Variants in CNTNAP2 observed in about 807,000 individuals in gnomAD.
The protein encoded by CNTNAP2 is contactin associated protein 2.
A neutral mutation model predicts 155.2 loss-of-function variants in CNTNAP2; 98 were observed. That is an observed-to-expected ratio of 0.63 (90% confidence interval 0.54 to 0.75). CNTNAP2 has a LOEUF of 0.75. Ranked by LOEUF, CNTNAP2 falls within the 30% of genes least tolerant of loss-of-function variation. The pLI, the probability that CNTNAP2 is intolerant of heterozygous loss-of-function variation, is 0.00. For synonymous variants in CNTNAP2, 651 were observed against 631.2 expected, an observed-to-expected ratio of 1.03 and a Z score of -0.47; for missense variants, 1,727 against 1,688.1, an observed-to-expected ratio of 1.02 and a Z score of -0.40.
chr7:148,178,819 G>A (rs1006493873), intron 18 of CNTNAP2, among the ~76,000 whole-genome samples: 13 of 152,180 alleles, frequency 8.5e-5, no homozygotes, highest in African/African-American at 3.1e-4. Flanking sequence ...ATTCTTAGCA[G>A]CTCTTTGCTT....
intron 16 of CNTNAP2, among the ~76,000 whole-genome samples, chr7:148,120,025 T>C (rs1804566642): frequency 6.6e-6 from 1 of 151,916 alleles, no homozygotes; most frequent in Non-Finnish European, 1.5e-5. Flanking sequence ...AACTATTTTC[T>C]GACTTCTACA....
chr7:146,908,183 C>A (rs1282875577), intron 3 of CNTNAP2, among the ~76,000 whole-genome samples: 1 of 152,128 alleles, frequency 6.6e-6, no homozygotes, highest in African/African-American at 2.4e-5. Flanking sequence ...GAGACTTAGA[C>A]TCCCAAACAT....
At chr7:147,697,117 T>C (rs893001268) in intron 13 of CNTNAP2, among the ~76,000 whole-genome samples, 3 of 152,212 alleles carry the variant, frequency 2.0e-5, no homozygotes, top group African/African-American at 7.2e-5. Context: ...GTCCTCACAC[T>C]CAGAGATTCT....
intron 11 of CNTNAP2, among the ~76,000 whole-genome samples, chr7:147,505,438 T>G (rs1323898304): frequency 1.3e-5 from 2 of 152,044 alleles, no homozygotes; most frequent in African/African-American, 2.4e-5. Context: ...TGCAAAAATC[T>G]CTTTTATTAT....
chr7:147,871,565 A>G (rs909955712), intron 13 of CNTNAP2, among the ~76,000 whole-genome samples: 2 of 151,864 alleles, frequency 1.3e-5, no homozygotes, highest in Non-Finnish European at 2.9e-5. Flanking sequence ...AGCCCCCACT[A>G]CAGCCATTAC....
intron 1 of CNTNAP2, among the ~76,000 whole-genome samples, chr7:146,187,001 C>A (rs940643192): frequency 1.3e-5 from 2 of 152,166 alleles, no homozygotes; most frequent in African/African-American, 4.8e-5. Flanking sequence ...ACTCCACTAG[C>A]CCTGCATCTT....
At chr7:147,668,924 G>A (rs976950663) in intron 13 of CNTNAP2, among the ~76,000 whole-genome samples, 2 of 151,912 alleles carry the variant, frequency 1.3e-5, no homozygotes, top group African/African-American at 4.8e-5. Context: ...AGTCCTGCAA[G>A]CTCCATTTTT....
At chr7:146,390,337 G>A (rs1164744377) in intron 1 of CNTNAP2, among the ~76,000 whole-genome samples, 1 of 151,842 alleles carries the variant, frequency 6.6e-6, no homozygotes, top group African/African-American at 2.4e-5. Flanking sequence ...CATTAACTGG[G>A]TGATCAAACT....
chr7:146,334,653 C>G (rs1801245083), intron 1 of CNTNAP2, among the ~76,000 whole-genome samples: 1 of 152,042 alleles, frequency 6.6e-6, no homozygotes. Context: ...CTGTAGATAT[C>G]CATTTCTCCT....
rs188334731 is a variant in CNTNAP2 at position 146,581,341 on chromosome 7, T to A, written c.98-192930T>A. 2.7e-3 allele frequency among the ~76,000 whole-genome samples: 417 copies of A among 152,218 alleles called. 3 individuals are homozygous for A. The highest frequency in any genetic ancestry group is 9.4e-3 in the African/African-American group (391 of 41,564). On this transcript the variant is annotated intron_variant, in intron 1 of 23. Coordinates refer to ENST00000361727, the MANE Select transcript of CNTNAP2 (RefSeq NM_014141.6). ...GAATCAGCCATCTCCTAAGATACTTTATTTTATTTTGTTATATTGCAATAA... is the reference window on the plus strand; with the variant it reads ...GAATCAGCCATCTCCTAAGATACTTAATTTTATTTTGTTATATTGCAATAA...
At chr7:148,275,524 C>G (rs537700691) in intron 21 of CNTNAP2, among the ~76,000 whole-genome samples, 2 of 152,222 alleles carry the variant, frequency 1.3e-5, no homozygotes, top group Non-Finnish European at 2.9e-5. Context: ...TTATTTCTGG[C>G]AATTCTGTGG....
chr7:147,052,447 T>A (rs1799490247), intron 4 of CNTNAP2, among the ~76,000 whole-genome samples: 1 of 152,090 alleles, frequency 6.6e-6, no homozygotes, highest in Admixed American at 6.6e-5. Flanking sequence ...TGAGGATGCA[T>A]AGATTCTTTT....
intron 12 of CNTNAP2, among the ~76,000 whole-genome samples, chr7:147,630,732 T>C (rs1795072588): frequency 6.6e-6 from 1 of 152,070 alleles, no homozygotes; most frequent in Admixed American, 6.6e-5. Flanking sequence ...CATATGAGCA[T>C]CCCAATAGAT....
intron 1 of CNTNAP2, among the ~76,000 whole-genome samples, chr7:146,763,329 A>T (rs1485389175): frequency 2.6e-5 from 4 of 152,148 alleles, no homozygotes; most frequent in African/African-American, 9.7e-5. Context: ...GCTAAAAATG[A>T]TACCTTATCA....
intron 3 of CNTNAP2, among the ~76,000 whole-genome samples, chr7:147,024,324 A>G (rs753827736): frequency 2.0e-5 from 3 of 152,174 alleles, no homozygotes; most frequent in Non-Finnish European, 4.4e-5. Context: ...CCTGTTTATA[A>G]CAAAAAAAAA....
At chr7:146,541,315 A>T (rs772428590) in intron 1 of CNTNAP2, among the ~76,000 whole-genome samples, 2 of 152,094 alleles carry the variant, frequency 1.3e-5, no homozygotes, top group Non-Finnish European at 2.9e-5. Flanking sequence ...TGAATAAAAT[A>T]TACCTCATCC....
intron 8 of CNTNAP2, among the ~76,000 whole-genome samples, chr7:147,242,986 C>CTTTTTTT (rs1563130639): frequency 1.2e-4 from 5 of 42,156 alleles, no homozygotes; most frequent in African/African-American, 4.1e-4. Flanking sequence ...CTATGCTTTG[C>CTTTTTTT]ATTTTTTTTT....
chr7:147,302,115 C>A (rs1020474929), intron 9 of CNTNAP2, among the ~76,000 whole-genome samples: 1 of 152,204 alleles, frequency 6.6e-6, no homozygotes, highest in Non-Finnish European at 1.5e-5. Context: ...TGAGAAAAAA[C>A]AACTCAATAG....
intron 17 of CNTNAP2, among the ~76,000 whole-genome samples, chr7:148,169,412 C>G (rs1006918584): frequency 6.6e-6 from 1 of 152,074 alleles, no homozygotes; most frequent in Non-Finnish European, 1.5e-5. Flanking sequence ...AATGTATATG[C>G]CCTTCATCCT....
Sources: allele counts gnomAD v4.1 joint callset (sites outside exome capture counted in the v4.1 genomes callset), GRCh38; gene constraint gnomAD v4.1.1; transcripts MANE v1.5; gene names NCBI Gene and HGNC (gene_info 2026-07-23, HGNC 2026-07-21).